Variants in SNX29 observed in about 807,000 individuals in gnomAD.
SNX29 encodes sorting nexin-29.
A neutral mutation model predicts 102.1 loss-of-function variants in SNX29; 78 were observed. The ratio of observed to expected loss-of-function variants is 0.76; its 90% CI spans 0.64 to 0.92. SNX29 has a LOEUF of 0.92. SNX29 is among the 40% of genes least tolerant of loss of function. The pLI, the probability that SNX29 is intolerant of heterozygous loss-of-function variation, is 0.00. For missense variants in SNX29, 1,280 were observed against 1,061.7 expected (o/e 1.21, Z -2.86); for synonymous variants, 580 against 414.5 (o/e 1.40, Z -4.85).
chr16:12,398,303 C>T (rs189054389), intron 16 of SNX29, 143 bp from the exon 17 acceptor site: 197 of 854,456 alleles, frequency 2.3e-4, no homozygotes, highest in Middle Eastern at 6.8e-4. Flanking sequence ...AATCTCTTAC[C>T]GTTTTCCAGT....
Position 12,055,715 on chromosome 16 carries a change from T to A in SNX29, c.1124+3493T>A, listed in dbSNP as rs751716753. On this transcript the variant is annotated intron_variant, in intron 8 of 20. Coordinates refer to ENST00000566228, the MANE Select transcript of SNX29 (RefSeq NM_032167.5). ...TCTTTTTCCTATCGAGGCCTTGCACTGCTTGCATGAAGCCCACCCACATTA... is the reference window on the plus strand; with the variant it reads ...TCTTTTTCCTATCGAGGCCTTGCACAGCTTGCATGAAGCCCACCCACATTA... Among the ~76,000 whole-genome samples, 70 of 152,326 alleles carry A rather than the reference T, an allele frequency of 4.6e-4. 1 individual carries two copies. The highest frequency in any genetic ancestry group is 1.3e-4 in the Non-Finnish European group (9 of 68,026).
At chr16:12,204,908 G>A (rs2077007250) in intron 14 of SNX29, among the ~76,000 whole-genome samples, 1 of 151,738 alleles carries the variant, frequency 6.6e-6, no homozygotes, top group African/African-American at 2.4e-5. Flanking sequence ...TAGTTGCCCT[G>A]GGGTGAGCCC....
chr16:12,469,642 G>A (rs1352811391), intron 18 of SNX29, among the ~76,000 whole-genome samples: 1 of 152,224 alleles, frequency 6.6e-6, no homozygotes, highest in African/African-American at 2.4e-5. Context: ...CCCGGTGCTA[G>A]TTCCGCTGCT....
chr16:12,426,742 T>A (rs574156522), intron 18 of SNX29, among the ~76,000 whole-genome samples: 39 of 152,364 alleles, frequency 2.6e-4, no homozygotes, highest in African/African-American at 8.7e-4. Flanking sequence ...CTCAGCTCAC[T>A]GCAGCCTCTG....
intron 4 of SNX29, chr16:12,027,656 C>G (rs2057231377): frequency 4.0e-6 from 2 of 503,792 alleles, no homozygotes; most frequent in Admixed American, 7.3e-5. Context: ...GTGCAGAATT[C>G]TCAGAGCCAC....
intron 15 of SNX29, among the ~76,000 whole-genome samples, chr16:12,310,878 A>G (rs1161812217): frequency 6.6e-6 from 1 of 152,186 alleles, no homozygotes; most frequent in Non-Finnish European, 1.5e-5. Flanking sequence ...CTGCAGGAAA[A>G]AACGTCTCAA....
At chr16:12,461,676 G>A (rs1292341191) in intron 18 of SNX29, among the ~76,000 whole-genome samples, 4 of 151,918 alleles carry the variant, frequency 2.6e-5, no homozygotes, top group African/African-American at 9.7e-5. Context: ...ATTCAGGCTG[G>A]CCAGGTGCCA....
In SNX29 at chr16:12,294,463, C is replaced by G. The variant is rs369782894; in HGVS notation, c.1782+16427C>G. ...GCATGCTTACTCAGGGAGAATGAGT[C>G]TTCTTGGTTTCTAAAGACTCACCCT... On this transcript the variant is annotated intron_variant, in intron 15 of 20. Transcript: ENST00000566228. Among the ~76,000 whole-genome samples, 18 of 152,256 alleles carry G rather than the reference C, an allele frequency of 1.2e-4. No individual in the cohort carries two copies. The East Asian group carries it at 2.9e-3, about 24-fold the overall frequency.
At chr16:12,382,100 C>T (rs1415976141) in intron 16 of SNX29, among the ~76,000 whole-genome samples, 1 of 152,056 alleles carries the variant, frequency 6.6e-6, no homozygotes, top group East Asian at 1.9e-4. Context: ...CACCCGGGTT[C>T]CACATCAAGG....
At chr16:11,984,796 A>G (rs2055546241) in intron 1 of SNX29, among the ~76,000 whole-genome samples, 1 of 152,096 alleles carries the variant, frequency 6.6e-6, no homozygotes, top group South Asian at 2.1e-4. Flanking sequence ...AGCTAGGACT[A>G]AAGGTGCGCC....
At chr16:12,233,433 A>G (rs1464946557) in intron 14 of SNX29, among the ~76,000 whole-genome samples, 1 of 151,042 alleles carries the variant, frequency 6.6e-6, no homozygotes, top group Non-Finnish European at 1.5e-5. Flanking sequence ...ACTGGGGGCT[A>G]CAAGAAGGGG....
intron 13 of SNX29, among the ~76,000 whole-genome samples, chr16:12,183,287 C>A (rs1040642067): frequency 1.3e-5 from 2 of 152,202 alleles, no homozygotes; most frequent in African/African-American, 4.8e-5. Context: ...AGGTATGAGC[C>A]ATGGCACCTA....
At chr16:12,463,503 C>G (rs1023176530) in intron 18 of SNX29, among the ~76,000 whole-genome samples, 4 of 152,102 alleles carry the variant, frequency 2.6e-5, no homozygotes, top group Middle Eastern at 3.2e-3. Context: ...ATACAGACAT[C>G]AGATCTCATG....
At chr16:12,379,738 C>A (rs1458644960) in intron 16 of SNX29, among the ~76,000 whole-genome samples, 1 of 152,130 alleles carries the variant, frequency 6.6e-6, no homozygotes, top group Non-Finnish European at 1.5e-5. Context: ...TCTGGCAGGG[C>A]TGCTGCTTGG....
chr16:12,520,404 C>G (rs1351079203), intron 19 of SNX29, among the ~76,000 whole-genome samples: 2 of 152,216 alleles, frequency 1.3e-5, no homozygotes, highest in Non-Finnish European at 2.9e-5. Flanking sequence ...GAGGCTGTCC[C>G]TGCTGCCTGA....
chr16:12,292,981 C>T (rs927939302), intron 15 of SNX29, among the ~76,000 whole-genome samples: 6 of 152,158 alleles, frequency 3.9e-5, no homozygotes, highest in Non-Finnish European at 7.3e-5. Flanking sequence ...GAGTAGTTCA[C>T]TCTTATTAAT....
At chr16:12,034,567 CA>C (rs1175498185) in intron 4 of SNX29, among the ~76,000 whole-genome samples, 1 of 152,158 alleles carries the variant, frequency 6.6e-6, no homozygotes, top group African/African-American at 2.4e-5. Context: ...CAGGGTCCCT[CA>C]GGGGTGGGTT....
chr16:11,986,928 C>G lies in SNX29; in HGVS notation c.7+10115C>G, dbSNP rs145154947. Among the ~76,000 whole-genome samples the G allele has an allele frequency of 2.1e-3, 315 of 152,196 alleles. 3 individuals carry two copies. Among genetic ancestry groups the G allele is most frequent in the African/African-American group, 7.4e-3 (308 of 41,524 alleles). On this transcript the variant is annotated intron_variant, in intron 1 of 20. Transcript: ENST00000566228. ...GGCTCGGGGGCTATAGTTGACTGAC[C>G]CCTACACTAGGACACTGCAATACAA...
At chr16:12,255,291 G>T (rs1199911090) in intron 14 of SNX29, among the ~76,000 whole-genome samples, 1 of 152,032 alleles carries the variant, frequency 6.6e-6, no homozygotes, top group East Asian at 1.9e-4. Context: ...TGCTTCCCGG[G>T]TTCAAGTGAT....
Sources: gnomAD v4.1 joint callset for allele counts (sites outside exome capture counted in the v4.1 genomes callset) on GRCh38, gnomAD v4.1.1 for gene constraint, MANE v1.5 for transcripts, NCBI Gene and HGNC (gene_info 2026-07-23, HGNC 2026-07-21) for gene names.